MLANA: variants seen among roughly 807,000 people sequenced by gnomAD.
The protein encoded by MLANA is melanoma antigen recognized by T-cells 1.
Under a neutral mutation model 15.7 loss-of-function variants are expected in MLANA, and 21 were observed. That is an observed-to-expected ratio of 1.33 (90% CI 0.95 to 1.92). The LOEUF is 1.92. Among genes scored for constraint, MLANA ranks in the 40% most tolerant of loss-of-function variants. MLANA has a pLI of 0.00. For synonymous variants in MLANA, 56 were observed against 51.5 expected (o/e 1.09, Z -0.37); for missense variants, 164 against 143.8 (o/e 1.14, Z -0.72).
intron 1 of MLANA, among the ~76,000 whole-genome samples, chr9:5,892,022 T>C (rs904589031): frequency 1.3e-5 from 2 of 152,230 alleles, no homozygotes; most frequent in African/African-American, 4.8e-5. Flanking sequence ...TATCCAACAA[T>C]AACTTTGGAG....
At chr9:5,899,289 G>A (rs921943751) in intron 3 of MLANA, 1 of 152,208 alleles carries the variant, frequency 6.6e-6, no homozygotes, top group East Asian at 1.9e-4. Flanking sequence ...GTGGGGTGGG[G>A]ATTGAAGCTT....
Position 5,908,730 on chromosome 9 carries a change from C to G in MLANA, c.*22C>G, listed in dbSNP as rs1455031776. On this transcript the variant is annotated 3_prime_UTR_variant, in exon 5 of 5. Coordinates refer to ENST00000381477, the MANE Select transcript of MLANA (RefSeq NM_005511.2). ...TTAAGAGCCAGCGAGACACCTGAGACATGCTGAAATTATTTCTCTCACACT... is the reference window on the plus strand; with the variant it reads ...TTAAGAGCCAGCGAGACACCTGAGAGATGCTGAAATTATTTCTCTCACACT... The G allele has an allele frequency of 1.3e-6, 2 of 1,598,700 alleles. No homozygotes were observed. The highest frequency in any genetic ancestry group is 3.3e-5 in the Admixed American group (2 of 59,900).
intron 3 of MLANA, among the ~76,000 whole-genome samples, chr9:5,901,949 T>A (rs1159162701): frequency 6.6e-6 from 1 of 152,234 alleles, no homozygotes; most frequent in Non-Finnish European, 1.5e-5. Context: ...GCATCTGTAT[T>A]CATGAGTGAT....
At chr9:5,907,850 C>T (rs994234557) in intron 4 of MLANA, among the ~76,000 whole-genome samples, 1 of 152,042 alleles carries the variant, frequency 6.6e-6, no homozygotes, top group Non-Finnish European at 1.5e-5. Flanking sequence ...CTACTTGGGA[C>T]GCTGAGGCAG....
intron 3 of MLANA, among the ~76,000 whole-genome samples, chr9:5,904,300 C>G (rs1429034647): frequency 6.6e-6 from 1 of 152,082 alleles, no homozygotes; most frequent in Non-Finnish European, 1.5e-5. Flanking sequence ...CATTGATATT[C>G]AAAGTAGTTA....
At chr9:5,891,660 G>A (rs993933409) in intron 1 of MLANA, among the ~76,000 whole-genome samples, 1 of 152,102 alleles carries the variant, frequency 6.6e-6, no homozygotes, top group Non-Finnish European at 1.5e-5. Context: ...CTTGAATTAC[G>A]GCCACTGCAG....
chr9:5,900,658 C>T (rs188011576), intron 3 of MLANA, among the ~76,000 whole-genome samples: 1 of 152,174 alleles, frequency 6.6e-6, no homozygotes, highest in East Asian at 1.9e-4. Flanking sequence ...TCCATTTGTC[C>T]ACAGAGAGGC....
intron 3 of MLANA, among the ~76,000 whole-genome samples, chr9:5,900,104 A>T (rs1465735417): frequency 6.6e-6 from 1 of 152,224 alleles, no homozygotes; most frequent in Non-Finnish European, 1.5e-5. Flanking sequence ...TCCTAACTAT[A>T]ATTATTAGTT....
chr9:5,900,147 C>A (rs188956273), intron 3 of MLANA, among the ~76,000 whole-genome samples: 84 of 152,106 alleles, frequency 5.5e-4, no homozygotes, highest in African/African-American at 2.0e-3. Flanking sequence ...AGTAATTTTT[C>A]TTTTCTGCTT....
At chr9:5,905,224 T>C (rs1832721344) in intron 3 of MLANA, among the ~76,000 whole-genome samples, 1 of 152,136 alleles carries the variant, frequency 6.6e-6, no homozygotes, top group Non-Finnish European at 1.5e-5. Flanking sequence ...TCCTGTAAAC[T>C]AAAAACAAAA....
chr9:5,903,627 C>G (rs546131234), intron 3 of MLANA, among the ~76,000 whole-genome samples: 4 of 152,282 alleles, frequency 2.6e-5, no homozygotes, highest in African/African-American at 9.6e-5. Flanking sequence ...GTGGATGCAA[C>G]TATTTTTCCT....
At position 5,908,787 on chromosome 9, in the gene MLANA, T is replaced by G. The variant is rs991176936; in HGVS notation, c.*79T>G. On this transcript the variant is annotated 3_prime_UTR_variant, in exon 5 of 5. Transcript: ENST00000381477. ...TGAATTTAATACAGACATCTAATGT[T>G]CTCCTTTGGAATGGTGTAGGAAAAA... is the stretch of plus-strand genomic sequence containing the variant. 1 of 1,392,990 alleles carries G rather than the reference T, an allele frequency of 7.2e-7. No homozygotes were observed. The highest frequency in any genetic ancestry group is 1.0e-6 in the Non-Finnish European group (1 of 983,836). 86.3% of individuals were successfully genotyped at this position (1,392,990 alleles called of 1,614,324 possible).
chr9:5,908,658 G>A lies in MLANA; in HGVS notation c.307G>A (p.Ala103Thr), dbSNP rs1485309668. The change falls in exon 5 of 5, where the codon GCT becomes ACT. Residue 103 changes from alanine to threonine, a missense_variant. Ala to Thr is a moderately conservative substitution (Grantham distance 58, BLOSUM62 0). Coordinates refer to ENST00000381477, the MANE Select transcript of MLANA (RefSeq NM_005511.2). The part of the protein sequence containing the change: ...CEPVVPNAPP[A>T]YEKLSAEQSP... ...CTCACAGGTTCCCAATGCTCCACCT[G>A]CTTATGAGAAACTCTCTGCAGAACA... The A allele has an allele frequency of 1.2e-6, 2 of 1,613,860 alleles. No homozygotes were observed. Among genetic ancestry groups the A allele is most frequent in the African/African-American group, 1.3e-5 (1 of 74,866 alleles).
rs1479579315 is a variant in MLANA, at chr9:5,909,826, T to A, written c.*1118T>A. 1.3e-5 allele frequency: 2 copies of A among 152,226 alleles called. No individual in the cohort carries two copies. Among genetic ancestry groups the A allele is most frequent in the African/African-American group, 4.8e-5 (2 of 41,460 alleles). The allele number at this position is 152,226 out of a possible 1,614,324, so 9.4% of individuals were successfully genotyped here. ...TCATAAAGGATCAGAGATTCTGGAATGGTGTCATTATTTGCATAGCAACAT... is the reference window on the plus strand; with the variant it reads ...TCATAAAGGATCAGAGATTCTGGAAAGGTGTCATTATTTGCATAGCAACAT... On this transcript the variant is annotated 3_prime_UTR_variant, in exon 5 of 5. Transcript: ENST00000381477.
chr9:5,897,419 G>A (rs1457153095), intron 2 of MLANA, 138 bp from the exon 3 acceptor site: 8 of 739,836 alleles, frequency 1.1e-5, no homozygotes, highest in African/African-American at 8.6e-5. Flanking sequence ...AGTGTGGGAG[G>A]TGGGAAACTA....
At chr9:5,907,999 A>T (rs1832927921) in intron 4 of MLANA, among the ~76,000 whole-genome samples, 1 of 152,168 alleles carries the variant, frequency 6.6e-6, no homozygotes. Flanking sequence ...CTTGTACCAT[A>T]TTTCTATTGG....
At chr9:5,898,755 C>G (rs1269824583) in intron 3 of MLANA, among the ~76,000 whole-genome samples, 2 of 152,192 alleles carry the variant, frequency 1.3e-5, no homozygotes, top group African/African-American at 4.8e-5. Flanking sequence ...TTCTTCACCC[C>G]TTTCCTCACT....
intron 1 of MLANA, chr9:5,891,232 C>T (rs1831637786): frequency 6.6e-6 from 1 of 152,238 alleles, no homozygotes; most frequent in Admixed American, 6.5e-5. Flanking sequence ...TAAAGAACCA[C>T]TTCTCCTGGT....
intron 3 of MLANA, 119 bp downstream of exon 3, chr9:5,897,772 G>A (rs778940488): frequency 5.8e-5 from 50 of 862,130 alleles, no homozygotes; most frequent in South Asian, 2.1e-4. Context: ...CTCTGATTCC[G>A]GCTTCTGATG....
Sources: gnomAD v4.1 joint callset for allele counts (sites outside exome capture counted in the v4.1 genomes callset) on GRCh38, gnomAD v4.1.1 for gene constraint, MANE v1.5 for transcripts, NCBI Gene and HGNC (gene_info 2026-07-23, HGNC 2026-07-21) for gene names.